The following SLC13A1 variants were observed in gnomAD, a reference collection of about 807,000 sequenced individuals.
SLC13A1 encodes the protein solute carrier family 13 member 1.
In SLC13A1, 65 loss-of-function variants were observed where a neutral mutation model predicts 70.0. That is an observed-to-expected ratio of 0.93 (90% CI 0.76 to 1.14). SLC13A1 has a LOEUF of 1.14. Among genes scored for constraint, SLC13A1 ranks in the 50% most tolerant of loss-of-function variants. SLC13A1 has a pLI of 0.00. For missense variants in SLC13A1, 726 were observed against 717.8 expected (o/e 1.01, Z -0.13); for synonymous variants, 275 against 250.5 (o/e 1.10, Z -0.92).
chr7:123,163,199 C>A (rs926016906), intron 6 of SLC13A1, among the ~76,000 whole-genome samples: 2 of 152,060 alleles, frequency 1.3e-5, no homozygotes, highest in African/African-American at 4.8e-5. Context: ...CCCAATGGAA[C>A]CTGACAAATA....
At chr7:123,195,436 C>G (rs545267552) in intron 1 of SLC13A1, among the ~76,000 whole-genome samples, 1 of 151,538 alleles carries the variant, frequency 6.6e-6, no homozygotes, top group Non-Finnish European at 1.5e-5. Flanking sequence ...TCTCTCCTCC[C>G]TCTTCTTTCA....
chr7:123,169,096 G>A (rs943804375), intron 4 of SLC13A1, 52 bp downstream of exon 4: 27 of 1,520,156 alleles, frequency 1.8e-5, no homozygotes, highest in Non-Finnish European at 2.5e-5. Flanking sequence ...TTGAGTTTAT[G>A]TCTATTGCTC....
intron 10 of SLC13A1, among the ~76,000 whole-genome samples, chr7:123,126,744 C>A (rs1176932940): frequency 1.3e-5 from 2 of 152,048 alleles, no homozygotes; most frequent in Middle Eastern, 3.2e-3. Context: ...ATTTATCTTA[C>A]AAACTGGACC....
At position 123,115,472 on chromosome 7, in the gene SLC13A1, A is replaced by G. The variant is rs1793147984; in HGVS notation, c.*46T>C. 2 of 1,583,842 alleles carry G rather than the reference A, an allele frequency of 1.3e-6. No homozygotes were observed. The highest frequency in any genetic ancestry group is 1.1e-5 in the South Asian group (1 of 89,046). On this transcript the variant is annotated 3_prime_UTR_variant, in exon 15 of 15. Transcript: ENST00000194130. ...AGCCACATTTTACAGTCAATCATTA[A>G]TGTCTTCCAGAAATTACCGCAAGAT...
At position 123,189,283 on chromosome 7, in the gene SLC13A1, G is replaced by A. The variant is rs190049044; in HGVS notation, c.100-8182C>T. On this transcript the variant is annotated intron_variant, in intron 1 of 14. Coordinates refer to ENST00000194130, the MANE Select transcript of SLC13A1 (RefSeq NM_022444.4). ...AAGTGCCATGCTTTTTAAATTGAAT[G>A]AGCTCATTTTTGCCTAGTAATTCAT... Among the ~76,000 whole-genome samples the A allele has an allele frequency of 4.4e-3, 659 of 151,392 alleles. 4 individuals are homozygous for A. Among genetic ancestry groups the A allele is most frequent in the Non-Finnish European group, 5.2e-3 (355 of 67,904 alleles).
At chr7:123,185,653 G>A (rs965853206) in intron 1 of SLC13A1, among the ~76,000 whole-genome samples, 16 of 151,946 alleles carry the variant, frequency 1.1e-4, no homozygotes, top group Non-Finnish European at 2.2e-4. Flanking sequence ...CTGTTTTTAT[G>A]CCACTGCCAT....
intron 7 of SLC13A1, among the ~76,000 whole-genome samples, chr7:123,141,081 G>A (rs1191052633): frequency 1.3e-5 from 2 of 151,602 alleles, no homozygotes; most frequent in Admixed American, 6.6e-5. Context: ...GTTTTTTGCT[G>A]TATTCCATAG....
At chr7:123,174,040 A>G (rs1469484512) in intron 2 of SLC13A1, among the ~76,000 whole-genome samples, 1 of 150,442 alleles carries the variant, frequency 6.6e-6, no homozygotes, top group East Asian at 2.0e-4. Context: ...AACTTTGAAA[A>G]TCCAGTTATC....
chr7:123,148,058 G>A (rs1794424899), intron 6 of SLC13A1, among the ~76,000 whole-genome samples: 1 of 152,114 alleles, frequency 6.6e-6, no homozygotes. Context: ...TCAGCATTGA[G>A]AGATAAGTCA....
At chr7:123,145,869 A>C (rs931417153) in intron 7 of SLC13A1, among the ~76,000 whole-genome samples, 17 of 152,186 alleles carry the variant, frequency 1.1e-4, no homozygotes, top group African/African-American at 3.1e-4. Flanking sequence ...GAATCCGTGC[A>C]TGCACAACAT....
intron 10 of SLC13A1, 118 bp downstream of exon 10, chr7:123,128,727 T>C: frequency 1.5e-6 from 1 of 674,680 alleles, no homozygotes; most frequent in South Asian, 2.0e-5. Flanking sequence ...TTAAAATATC[T>C]TTTCAAGGGA....
rs138275989 is a variant in SLC13A1, at chr7:123,181,057, C to T, written c.144G>A (p.Trp48Ter). ...CCGACAGAGGCAATGCTTCTGTGAG[C>T]CAAAATGTGGCGACCACAAAGAGTG... ...AYTLFVVATF[W>*]LTEALPLSVT... Residue 48 changes from tryptophan to a stop codon, truncating the protein, a stop_gained, in exon 2 of 15, where the codon TGG (tryptophan) becomes TGA (stop). Coordinates refer to ENST00000194130, the MANE Select transcript of SLC13A1 (RefSeq NM_022444.4). LOFTEE classifies it high-confidence loss of function. The T allele has an allele frequency of 8.2e-4, 1,317 of 1,612,286 alleles. No homozygotes were observed. The highest frequency in any genetic ancestry group is 1.0e-3 in the Non-Finnish European group (1,236 of 1,178,926).
chr7:123,157,409 G>A (rs1434271872), intron 6 of SLC13A1, among the ~76,000 whole-genome samples: 2 of 152,042 alleles, frequency 1.3e-5, no homozygotes, highest in Admixed American at 1.3e-4. Flanking sequence ...ATAAAGAGAT[G>A]TTTAAAATGT....
intron 13 of SLC13A1, 96 bp downstream of exon 13, chr7:123,118,985 C>A: frequency 8.6e-7 from 1 of 1,160,414 alleles, no homozygotes; most frequent in Non-Finnish European, 1.2e-6. Flanking sequence ...CCCATTTAGA[C>A]CAAAAGAGAT....
chr7:123,189,794 TTTC>T (rs764901247), intron 1 of SLC13A1, among the ~76,000 whole-genome samples: 1 of 152,192 alleles, frequency 6.6e-6, no homozygotes, highest in South Asian at 2.1e-4. Flanking sequence ...TGGAGATTTT[TTTC>T]TTCTCTATTT....
intron 6 of SLC13A1, among the ~76,000 whole-genome samples, chr7:123,162,510 G>C (rs572403145): frequency 6.6e-6 from 1 of 152,170 alleles, no homozygotes; most frequent in South Asian, 2.1e-4. Context: ...GGAAACCCTA[G>C]GTTGAGTCAG....
rs1563320610 is a variant in SLC13A1 at position 123,128,868 on chromosome 7, AG to A, written c.1109del (p.Pro370LeufsTer23). Reference sequence around the variant, plus strand: ...ACTCTGAAAAAAGTGCAGACCAACCAGGAACAAATCCGGGGTCTCGACTAAA... The same window carrying A: ...ACTCTGAAAAAAGTGCAGACCAACCAGAACAAATCCGGGGTCTCGACTAAA... Reference protein sequence around the residue: ...LWFSRDPGFVPGWSALFSEYP... With the variant: ...LWFSRDPGFVXGWSALFSEYP... On this transcript the variant is annotated frameshift_variant, in exon 10 of 15. Transcript: ENST00000194130. LOFTEE classifies it high-confidence loss of function. The A allele has an allele frequency of 1.1e-5, 18 of 1,613,388 alleles. No individual in the cohort carries two copies. The highest frequency in any genetic ancestry group is 1.5e-5 in the Non-Finnish European group (18 of 1,179,572).
At chr7:123,192,158 G>T (rs946725495) in intron 1 of SLC13A1, among the ~76,000 whole-genome samples, 11 of 152,088 alleles carry the variant, frequency 7.2e-5, no homozygotes, top group Admixed American at 6.6e-5. Context: ...CTAATAAACA[G>T]CACTGGAACT....
intron 10 of SLC13A1, among the ~76,000 whole-genome samples, chr7:123,127,992 A>G (rs1373487559): frequency 6.6e-6 from 1 of 151,790 alleles, no homozygotes; most frequent in Non-Finnish European, 1.5e-5. Flanking sequence ...GACATATAGG[A>G]TGGTCCTTAA....
Sources: gnomAD v4.1 joint callset for allele counts (sites outside exome capture counted in the v4.1 genomes callset) on GRCh38, gnomAD v4.1.1 for gene constraint, MANE v1.5 for transcripts, NCBI Gene and HGNC (gene_info 2026-07-23, HGNC 2026-07-21) for gene names.